Variants in BCKDHB observed in about 807,000 individuals in gnomAD.
The protein encoded by BCKDHB is 2-oxoisovalerate dehydrogenase subunit beta, mitochondrial.
A neutral mutation model predicts 48.5 loss-of-function variants in BCKDHB; 41 were observed. That is an observed-to-expected ratio of 0.85 (90% CI 0.66 to 1.10). The LOEUF (loss-of-function observed/expected upper bound fraction) is 1.10, where lower values mean the gene tolerates loss of function less well. Ranked by LOEUF, BCKDHB falls within the 50% of genes least tolerant of loss-of-function variation. The pLI is 0.00. For missense variants in BCKDHB, 496 were observed against 494.2 expected (o/e 1.00, Z -0.03); for synonymous variants, 201 against 174.8 (o/e 1.15, Z -1.18).
intron 6 of BCKDHB, among the ~76,000 whole-genome samples, chr6:80,197,774 G>A (rs763133980): frequency 6.6e-6 from 1 of 152,194 alleles, no homozygotes; most frequent in South Asian, 2.1e-4. Context: ...GAGCCTGTGT[G>A]CTATCTTTGG....
At chr6:80,229,457 A>G (rs1330100368) in intron 8 of BCKDHB, among the ~76,000 whole-genome samples, 1 of 152,160 alleles carries the variant, frequency 6.6e-6, no homozygotes, top group African/African-American at 2.4e-5. Flanking sequence ...GAACAGCAAT[A>G]AGCTTGGTGT....
At chr6:80,277,640 G>A (rs887381209) in intron 9 of BCKDHB, among the ~76,000 whole-genome samples, 2 of 149,216 alleles carry the variant, frequency 1.3e-5, no homozygotes, top group Non-Finnish European at 3.0e-5. Context: ...TTAGGGATGT[G>A]GTTGGCTTAA....
chr6:80,183,585 C>G (rs966530882), intron 6 of BCKDHB, among the ~76,000 whole-genome samples: 5 of 152,114 alleles, frequency 3.3e-5, no homozygotes, highest in Non-Finnish European at 7.4e-5. Flanking sequence ...AATTGATGAC[C>G]TATGTTAACA....
At chr6:80,310,631 C>T (rs576053527) in intron 9 of BCKDHB, among the ~76,000 whole-genome samples, 1 of 152,234 alleles carries the variant, frequency 6.6e-6, no homozygotes, top group East Asian at 1.9e-4. Flanking sequence ...AATGGGATCG[C>T]TGGGTCAAAT....
At chr6:80,277,600 A>T (rs1445696155) in intron 9 of BCKDHB, among the ~76,000 whole-genome samples, 1 of 150,966 alleles carries the variant, frequency 6.6e-6, no homozygotes, top group Non-Finnish European at 1.5e-5. Context: ...CCTGCTTTGG[A>T]TTCAGTGCTT....
At chr6:80,236,481 G>T (rs992893606) in intron 8 of BCKDHB, among the ~76,000 whole-genome samples, 3 of 152,158 alleles carry the variant, frequency 2.0e-5, no homozygotes, top group Non-Finnish European at 4.4e-5. Flanking sequence ...TTTTATCTAA[G>T]AAAATAAATG....
rs758701261 is a variant in BCKDHB at position 80,150,550 on chromosome 6, C to CTTTTTTTTTT, written c.344-17115_344-17106dup. On this transcript the variant is annotated intron_variant, in intron 3 of 9. Transcript: ENST00000320393. ...AAGTATAGTCAATCAAGTTTGTCAT[C>CTTTTTTTTTT]TTTTTTTTTTTTTTTTTTTTTTGTG... Among the ~76,000 whole-genome samples the CTTTTTTTTTT allele has an allele frequency of 9.5e-5, 10 of 105,466 alleles. 1 individual carries two copies. The highest frequency in any genetic ancestry group is 1.2e-4 in the Admixed American group (1 of 8,328). 69.2% of individuals were successfully genotyped at this position (105,466 alleles called of 152,430 possible). A position where few individuals can be genotyped will look rare whatever the true frequency, so the allele number is the denominator to read the frequency against.
At chr6:80,284,175 T>C (rs1161843735) in intron 9 of BCKDHB, among the ~76,000 whole-genome samples, 1 of 152,136 alleles carries the variant, frequency 6.6e-6, no homozygotes, top group East Asian at 1.9e-4. Context: ...TCTATTTTCA[T>C]GAATGAGTTC....
intron 1 of BCKDHB, among the ~76,000 whole-genome samples, chr6:80,116,133 G>A (rs1260753679): frequency 6.6e-6 from 1 of 152,134 alleles, no homozygotes; most frequent in Non-Finnish European, 1.5e-5. Context: ...GGAGATTGCT[G>A]ACATTTGCCC....
chr6:80,377,407 G>GT, the BCKDHB span, among the ~76,000 whole-genome samples: 17 of 151,934 alleles, frequency 1.1e-4, no homozygotes, highest in Middle Eastern at 6.8e-3. Flanking sequence ...TCATAGGTAA[G>GT]TTTTTTTTGC....
At chr6:80,270,153 A>G (rs150336679) in intron 8 of BCKDHB, among the ~76,000 whole-genome samples, 2 of 152,282 alleles carry the variant, frequency 1.3e-5, no homozygotes, top group East Asian at 3.9e-4. Context: ...GATAAAAAGC[A>G]TATAACAAAT....
chr6:80,404,628 T>C, the BCKDHB span, among the ~76,000 whole-genome samples: 2 of 152,040 alleles, frequency 1.3e-5, no homozygotes, highest in African/African-American at 2.4e-5. Flanking sequence ...TTGTTCTTCT[T>C]TATCTTCTTC....
the BCKDHB span, among the ~76,000 whole-genome samples, chr6:80,360,641 A>G: frequency 1.6e-4 from 25 of 152,250 alleles, no homozygotes; most frequent in African/African-American, 5.1e-4. Flanking sequence ...GAGGACCCCA[A>G]ATCTACTTGT....
intron 1 of BCKDHB, among the ~76,000 whole-genome samples, chr6:80,108,548 T>C (rs1257579802): frequency 7.8e-6 from 1 of 128,376 alleles, no homozygotes; most frequent in South Asian, 2.5e-4. Context: ...ATTTGGATAA[T>C]GGATAAAAAG....
rs1554189617 is a variant in BCKDHB at position 80,168,406 on chromosome 6, A to AAGGAAGG, written c.478-466_478-465insAAGGAGG. 1.5e-3 allele frequency among the ~76,000 whole-genome samples: 136 copies of AAGGAAGG among 89,788 alleles called. 1 individual carries two copies. The highest frequency in any genetic ancestry group is 6.0e-3 in the African/African-American group (130 of 21,842). 58.9% of individuals were successfully genotyped at this position (89,788 alleles called of 152,430 possible). Reference sequence around the variant, plus strand: ...ACCCTGTCTCAAAAAGAAAGAAGGGAAGGGAGGGAGGGAGGGAAGGAAGAA... The same window carrying AAGGAAGG: ...ACCCTGTCTCAAAAAGAAAGAAGGGAAGGAAGGAGGGAGGGAGGGAGGGAAGGAAGAA... On this transcript the variant is annotated intron_variant, in intron 4 of 9. Transcript: ENST00000320393.
chr6:80,108,099 G>C (rs1341098823), intron 1 of BCKDHB, among the ~76,000 whole-genome samples: 1 of 152,010 alleles, frequency 6.6e-6, no homozygotes, highest in African/African-American at 2.4e-5. Context: ...TTCCCATTTT[G>C]CAGTTAGGTT....
At chr6:80,397,552 C>G in the BCKDHB span, among the ~76,000 whole-genome samples, 17 of 152,226 alleles carry the variant, frequency 1.1e-4, no homozygotes, top group Non-Finnish European at 2.1e-4. Context: ...TTTGATGTTA[C>G]TTTCTGCTTT....
chr6:80,252,519 C>T (rs764744496), intron 8 of BCKDHB, among the ~76,000 whole-genome samples: 24 of 152,034 alleles, frequency 1.6e-4, no homozygotes, highest in Non-Finnish European at 3.2e-4. Flanking sequence ...ATAGCTTTTC[C>T]AAACTTAATT....
At chr6:80,405,304 T>A in the BCKDHB span, among the ~76,000 whole-genome samples, 1 of 152,174 alleles carries the variant, frequency 6.6e-6, no homozygotes, top group Non-Finnish European at 1.5e-5. Context: ...TTGTTCCTCA[T>A]GACAGTTTTC....
Sources: gnomAD v4.1 joint callset for allele counts (sites outside exome capture counted in the v4.1 genomes callset) on GRCh38, gnomAD v4.1.1 for gene constraint, MANE v1.5 for transcripts, NCBI Gene and HGNC (gene_info 2026-07-23, HGNC 2026-07-21) for gene names.